The following TENM3 variants were observed in gnomAD, a reference collection of about 807,000 sequenced individuals.
TENM3 encodes the protein teneurin-3.
TENM3 carries 63 observed loss-of-function variants against 255.1 expected under a neutral mutation model. The ratio of observed to expected loss-of-function variants is 0.25; its 90% CI spans 0.20 to 0.30. The LOEUF (loss-of-function observed/expected upper bound fraction) is 0.30, where lower values mean the gene tolerates loss of function less well. TENM3 is among the 10% of genes least tolerant of loss of function. The pLI, the probability that TENM3 is intolerant of heterozygous loss-of-function variation, is 1.00. For synonymous variants in TENM3, 1,306 were observed against 1,322.3 expected, an observed-to-expected ratio of 0.99 and a Z score of 0.27; for missense variants, 2,929 against 3,461.1, an observed-to-expected ratio of 0.85 and a Z score of 3.86.
chr4:182,298,559 A>T (rs1218380484), intron 1 of TENM3, among the ~76,000 whole-genome samples: 1 of 152,218 alleles, frequency 6.6e-6, no homozygotes, highest in Non-Finnish European at 1.5e-5. Flanking sequence ...GGGAAAGTGC[A>T]GTCTTGGAAT....
chr4:182,291,619 G>A (rs992325852), intron 1 of TENM3, among the ~76,000 whole-genome samples: 8 of 152,110 alleles, frequency 5.3e-5, no homozygotes, highest in African/African-American at 1.7e-4. Context: ...CCTCAGAGAC[G>A]TTATGTGATG....
At chr4:182,119,784 G>C in the TENM3 span, among the ~76,000 whole-genome samples, 7 of 152,202 alleles carry the variant, frequency 4.6e-5, no homozygotes, top group East Asian at 1.4e-3. Context: ...AAGGCTCCCT[G>C]CAACCTCAAA....
the TENM3 span, among the ~76,000 whole-genome samples, chr4:181,595,163 G>T: frequency 1.1e-4 from 17 of 152,188 alleles, no homozygotes; most frequent in Non-Finnish European, 1.8e-4. Context: ...GGGTGTGGTG[G>T]CTCACGCCTG....
At chr4:182,132,760 T>G in the TENM3 span, among the ~76,000 whole-genome samples, 1 of 152,204 alleles carries the variant, frequency 6.6e-6, no homozygotes, top group South Asian at 2.1e-4. Flanking sequence ...TAAGATTTTA[T>G]ATGGGTGTGA....
intron 3 of TENM3, among the ~76,000 whole-genome samples, chr4:182,548,235 A>G (rs1741646477): frequency 6.6e-6 from 1 of 151,984 alleles, no homozygotes; most frequent in Non-Finnish European, 1.5e-5. Context: ...AGAAAATAAA[A>G]TATTCCCTTC....
At chr4:181,817,133 A>G in the TENM3 span, among the ~76,000 whole-genome samples, 1 of 152,164 alleles carries the variant, frequency 6.6e-6, no homozygotes, top group African/African-American at 2.4e-5. Flanking sequence ...CTGCCTCCTC[A>G]TGAGCTCTGT....
chr4:181,449,746 C>T, the TENM3 span, among the ~76,000 whole-genome samples: 582 of 152,224 alleles, frequency 3.8e-3, 4 homozygotes, highest in African/African-American at 0.013. Flanking sequence ...GAGATCGTGC[C>T]GCTGCACTCC....
intron 5 of TENM3, among the ~76,000 whole-genome samples, chr4:182,648,080 T>C (rs571804541): frequency 2.6e-5 from 4 of 152,242 alleles, no homozygotes; most frequent in Admixed American, 2.6e-4. Context: ...GTGCCCTTCT[T>C]CTGTACTGTC....
chr4:181,475,837 T>C, the TENM3 span, among the ~76,000 whole-genome samples: 3 of 152,234 alleles, frequency 2.0e-5, no homozygotes, highest in Non-Finnish European at 2.9e-5. Context: ...TCAAACTGAA[T>C]GTAGGTGATC....
intron 3 of TENM3, among the ~76,000 whole-genome samples, chr4:182,351,200 C>T (rs913872281): frequency 2.6e-5 from 4 of 151,930 alleles, no homozygotes; most frequent in Admixed American, 6.6e-5. Context: ...GGTAAGGTTG[C>T]CCCTGGTATC....
At chr4:182,184,285 C>G (rs576333995) in intron 1 of TENM3, among the ~76,000 whole-genome samples, 1 of 152,086 alleles carries the variant, frequency 6.6e-6, no homozygotes, top group African/African-American at 2.4e-5. Flanking sequence ...TTATTGAGTA[C>G]GCAAATAATT....
intron 13 of TENM3, among the ~76,000 whole-genome samples, chr4:182,724,624 G>A (rs1196457353): frequency 6.6e-6 from 1 of 152,178 alleles, no homozygotes; most frequent in Admixed American, 6.5e-5. Flanking sequence ...CATGCCAGAT[G>A]TACATTTGCT....
At chr4:182,713,256 G>A (rs964576976) in intron 12 of TENM3, among the ~76,000 whole-genome samples, 4 of 152,158 alleles carry the variant, frequency 2.6e-5, no homozygotes, top group Admixed American at 6.5e-5. Flanking sequence ...CGTCACTACC[G>A]TGTTTTTGTT....
chr4:181,920,434 T>A, the TENM3 span, among the ~76,000 whole-genome samples: 1 of 152,292 alleles, frequency 6.6e-6, no homozygotes. Flanking sequence ...TTCTAACTGG[T>A]GTGAGATGGT....
At chr4:181,721,880 G>A in the TENM3 span, among the ~76,000 whole-genome samples, 1 of 152,048 alleles carries the variant, frequency 6.6e-6, no homozygotes, top group East Asian at 1.9e-4. Context: ...TATAGGATAG[G>A]AAAACACAAC....
chr4:181,991,266 A>G, the TENM3 span, among the ~76,000 whole-genome samples: 1 of 152,146 alleles, frequency 6.6e-6, no homozygotes, highest in African/African-American at 2.4e-5. Context: ...TTTTCAGTTT[A>G]GATTGATCCT....
intron 7 of TENM3, among the ~76,000 whole-genome samples, chr4:182,673,890 A>G (rs148004154): frequency 2.0e-5 from 3 of 152,356 alleles, no homozygotes; most frequent in Non-Finnish European, 4.4e-5. Flanking sequence ...CAGATGGAGA[A>G]CTGCTGGCAA....
chr4:182,413,355 A>G (rs1272515577), intron 3 of TENM3, among the ~76,000 whole-genome samples: 1 of 152,168 alleles, frequency 6.6e-6, no homozygotes, highest in East Asian at 1.9e-4. Context: ...GCTGGCTCAT[A>G]TCTGTAATCC....
At chr4:182,535,835 A>G (rs1029383315) in intron 3 of TENM3, among the ~76,000 whole-genome samples, 1 of 151,976 alleles carries the variant, frequency 6.6e-6, no homozygotes, top group Non-Finnish European at 1.5e-5. Flanking sequence ...AATAATACCT[A>G]CCTCTCAGGA....
Sources: gnomAD v4.1 joint callset for allele counts (sites outside exome capture counted in the v4.1 genomes callset) on GRCh38, gnomAD v4.1.1 for gene constraint, MANE v1.5 for transcripts, NCBI Gene and HGNC (gene_info 2026-07-23, HGNC 2026-07-21) for gene names.